The following SEMA5B variants were observed in gnomAD, a reference collection of about 807,000 sequenced individuals.
The protein encoded by SEMA5B is semaphorin 5B.
In SEMA5B, 66 loss-of-function variants were observed where a neutral mutation model predicts 135.0. That is an observed-to-expected ratio of 0.49 (90% CI 0.40 to 0.60). SEMA5B has a LOEUF of 0.60. Ranked by LOEUF, SEMA5B falls within the 20% of genes least tolerant of loss-of-function variation. The pLI is 0.00. For missense variants in SEMA5B, 1,501 were observed against 1,566.3 expected (o/e 0.96, Z 0.70); for synonymous variants, 690 against 639.5 (o/e 1.08, Z -1.19).
chr3:122,950,898 G>T (rs1034342817), intron 2 of SEMA5B, among the ~76,000 whole-genome samples: 3 of 152,314 alleles, frequency 2.0e-5, no homozygotes, highest in African/African-American at 7.2e-5. Flanking sequence ...GGAATATTAT[G>T]CAGCTGTTAA....
At chr3:122,911,290 G>T in intron 21 of SEMA5B, 1 of 1,435,220 alleles carries the variant, frequency 7.0e-7, no homozygotes, top group Non-Finnish European at 9.3e-7. Context: ...ACTCTTCCTT[G>T]GGTACAGACT....
At chr3:122,938,473 G>C (rs956614196) in intron 5 of SEMA5B, among the ~76,000 whole-genome samples, 5 of 152,156 alleles carry the variant, frequency 3.3e-5, no homozygotes, top group Non-Finnish European at 5.9e-5. Flanking sequence ...GTGGACCCAG[G>C]TGTGGCCAGA....
In SEMA5B at chr3:122,922,102, C is replaced by T; in HGVS notation, c.1501G>A (p.Ala501Thr). 3.3e-6 allele frequency: 5 copies of T among 1,499,962 alleles called. No individual in the cohort carries two copies. Among genetic ancestry groups the T allele is most frequent in the Non-Finnish European group, 4.5e-6 (5 of 1,120,996 alleles). 92.9% of individuals were successfully genotyped at this position (1,499,962 alleles called of 1,614,324 possible). Reference sequence around the variant, plus strand: ...AGGCTGCGGCTCGCCGTGGACAGCGCCTTCAGGATGGTGCCCGACTCTGGA... The same window carrying T: ...AGGCTGCGGCTCGCCGTGGACAGCGTCTTCAGGATGGTGCCCGACTCTGGA... ...IGTESGTILKALSTASRSLHG... is the reference protein window; with the variant it reads ...IGTESGTILKTLSTASRSLHG... The change falls in exon 12 of 23, where the codon GCG (alanine) becomes ACG (threonine). Residue 501 changes from alanine to threonine, a missense_variant. By Grantham distance (58) the Ala-to-Thr change is moderately conservative. Coordinates refer to ENST00000357599, the MANE Select transcript of SEMA5B (RefSeq NM_001031702.4).
chr3:122,930,908 C>G (rs985813323), intron 5 of SEMA5B, among the ~76,000 whole-genome samples: 1 of 152,204 alleles, frequency 6.6e-6, no homozygotes, highest in Admixed American at 6.5e-5. Context: ...GAACTAAGCT[C>G]TTTCTGCTAC....
chr3:123,025,967 A>G lies in SEMA5B; in HGVS notation c.-39+1497T>C, dbSNP rs200090788. ...CCCCTCTTGCCCCTTCCTCAAGGTC[A>G]TCTGTCCCGGCTTAGAAAAGGTGAG... On this transcript the variant is annotated intron_variant, in intron 1 of 22. Coordinates refer to ENST00000357599, the MANE Select transcript of SEMA5B (RefSeq NM_001031702.4). Among the ~76,000 whole-genome samples the G allele has an allele frequency of 2.0e-5, 3 of 152,160 alleles. No individual in the cohort carries two copies. In the East Asian group the frequency reaches 5.8e-4, roughly 29 times the overall value.
chr3:122,946,196 C>T (rs948203778), intron 3 of SEMA5B, among the ~76,000 whole-genome samples: 1 of 152,192 alleles, frequency 6.6e-6, no homozygotes, highest in African/African-American at 2.4e-5. Flanking sequence ...TCCAGGCTGG[C>T]TTCTCCTGCT....
chr3:122,951,536 C>T (rs1020561254), intron 2 of SEMA5B, among the ~76,000 whole-genome samples: 7 of 152,250 alleles, frequency 4.6e-5, no homozygotes, highest in African/African-American at 7.2e-5. Context: ...TCCACCTCCT[C>T]TCTCCTTCGC....
chr3:122,913,692 G>A lies in SEMA5B; in HGVS notation c.2133-11C>T, dbSNP rs910193177. 7.4e-6 allele frequency: 12 copies of A among 1,612,584 alleles called. No individual in the cohort carries two copies. The highest frequency in any genetic ancestry group is 1.0e-5 in the Non-Finnish European group (12 of 1,179,336). ...TTCTCATTACAGAACCTGGGGTCGG[G>A]GGAGAGGCGTCAATCCAGGGAGGGG... On this transcript the variant is annotated splice_polypyrimidine_tract_variant and intron_variant, in intron 15 of 22. Coordinates refer to ENST00000357599, the MANE Select transcript of SEMA5B (RefSeq NM_001031702.4).
chr3:122,975,917 C>G, intron 1 of SEMA5B: 4 of 1,491,800 alleles, frequency 2.7e-6, no homozygotes, highest in African/African-American at 2.8e-5. Flanking sequence ...CCTCTCCTGC[C>G]CCCTCTCTGG....
intron 1 of SEMA5B, among the ~76,000 whole-genome samples, chr3:123,023,357 C>A (rs183710435): frequency 6.7e-6 from 1 of 150,036 alleles, no homozygotes; most frequent in Non-Finnish European, 1.5e-5. Context: ...CACACACACA[C>A]GAAATGAAGA....
intron 1 of SEMA5B, among the ~76,000 whole-genome samples, chr3:122,996,306 T>C (rs1942021753): frequency 6.6e-6 from 1 of 152,134 alleles, no homozygotes; most frequent in Non-Finnish European, 1.5e-5. Flanking sequence ...GGGTGACAAA[T>C]GTACTACATA....
At chr3:123,026,651 C>T (rs1447514528) in intron 1 of SEMA5B, among the ~76,000 whole-genome samples, 19 of 152,224 alleles carry the variant, frequency 1.2e-4, no homozygotes, top group Admixed American at 1.2e-3. Flanking sequence ...GTCTGCATCC[C>T]TCTCTGTGCC....
At position 123,011,747 on chromosome 3, in the gene SEMA5B, C is replaced by A. The variant is rs556421465; in HGVS notation, c.-39+15717G>T. ...CACAAGAGAGGGACAGCCTGGGAAC[C>A]AGTACAGGGCTAGAGAGAGGAGGAG... On this transcript the variant is annotated intron_variant, in intron 1 of 22. Transcript: ENST00000357599. Among the ~76,000 whole-genome samples, 3 of 152,290 alleles carry A rather than the reference C, an allele frequency of 2.0e-5. No individual in the cohort carries two copies. In the South Asian group the frequency reaches 6.2e-4, roughly 32 times the overall value.
At chr3:122,921,702 G>A (rs1938352801) in intron 12 of SEMA5B, among the ~76,000 whole-genome samples, 1 of 152,222 alleles carries the variant, frequency 6.6e-6, no homozygotes. Flanking sequence ...ACTGATAAGT[G>A]CTTTATGGAG....
rs866483174 is a variant in SEMA5B, at chr3:123,007,489, T to A, written c.-39+19975A>T. On this transcript the variant is annotated intron_variant, in intron 1 of 22. Transcript: ENST00000357599. ...CTTCAAATCTCATGTTGAAATTTAA[T>A]CCCCAATGTAGCAGTGTTAGAGGTG... is the stretch of plus-strand genomic sequence containing the variant. 2.0e-5 allele frequency among the ~76,000 whole-genome samples: 3 copies of A among 152,198 alleles called. No homozygotes were observed. The South Asian group carries it at 6.2e-4, about 32-fold the overall frequency.
intron 1 of SEMA5B, among the ~76,000 whole-genome samples, chr3:122,979,072 A>G (rs1252100510): frequency 6.6e-6 from 1 of 152,194 alleles, no homozygotes; most frequent in African/African-American, 2.4e-5. Context: ...AAGAAGGGAC[A>G]AAGCACTGGG....
At chr3:122,943,353 G>T in intron 4 of SEMA5B, 83 bp downstream of exon 4, 2 of 969,644 alleles carry the variant, frequency 2.1e-6, no homozygotes, top group South Asian at 1.5e-5. Context: ...GGGCTGCCCA[G>T]GTGAGTTCAT....
chr3:122,991,622 A>G (rs1176053716), intron 1 of SEMA5B, among the ~76,000 whole-genome samples: 4 of 151,786 alleles, frequency 2.6e-5, no homozygotes, highest in Non-Finnish European at 4.4e-5. Context: ...TGCACCCTCC[A>G]CGCCATGATT....
In SEMA5B at chr3:122,922,387, C is replaced by A; in HGVS notation, c.1333G>T (p.Ala445Ser). ...ENLTERSLQD[A>S]QRLFLMSEAV... is the part of the protein sequence containing the mutation. Reference sequence around the variant, plus strand: ...TCGCTCATCAGGAAGAGGCGCTGCGCGTCCTGCAGGCTGCGCTCCGTCAGG... The same window carrying A: ...TCGCTCATCAGGAAGAGGCGCTGCGAGTCCTGCAGGCTGCGCTCCGTCAGG... The change falls in exon 11 of 23, where the codon GCG becomes TCG. Residue 445 changes from alanine to serine, a missense_variant. Coordinates refer to ENST00000357599, the MANE Select transcript of SEMA5B (RefSeq NM_001031702.4). The A allele has an allele frequency of 6.2e-7, 1 of 1,612,134 alleles. No homozygotes were observed. The highest frequency in any genetic ancestry group is 8.5e-7 in the Non-Finnish European group (1 of 1,179,320).
Sources: gnomAD v4.1 joint callset for allele counts (sites outside exome capture counted in the v4.1 genomes callset) on GRCh38, gnomAD v4.1.1 for gene constraint, MANE v1.5 for transcripts, NCBI Gene and HGNC (gene_info 2026-07-23, HGNC 2026-07-21) for gene names.